The following RNF13 variants were observed in gnomAD, a reference collection of about 807,000 sequenced individuals.
RNF13 encodes the protein ring finger protein 13, also known as E3 ubiquitin-protein ligase RNF13.
Under a neutral mutation model 37.7 loss-of-function variants are expected in RNF13, and 19 were observed. The ratio of observed to expected loss-of-function variants is 0.50; its 90% CI spans 0.35 to 0.74. RNF13 has a LOEUF of 0.74. RNF13 is among the 30% of genes least tolerant of loss of function. The probability of loss-of-function intolerance (pLI) is 0.01; values close to 1 mark genes in which losing one functional copy is unlikely to be tolerated. For synonymous variants in RNF13, 144 were observed against 157.8 expected (o/e 0.91, Z 0.65); for missense variants, 375 against 453.0 (o/e 0.83, Z 1.56).
intron 3 of RNF13, among the ~76,000 whole-genome samples, chr3:149,857,858 A>G (rs984116512): frequency 6.6e-6 from 1 of 152,124 alleles, no homozygotes; most frequent in African/African-American, 2.4e-5. Flanking sequence ...TGGTTTGGAT[A>G]TGGTTTTTTT....
Position 149,852,515 on chromosome 3 carries a change from G to A in RNF13, c.115-1G>A. 6.7e-7 allele frequency: 1 copy of A among 1,484,324 alleles called. No individual in the cohort carries two copies. Among genetic ancestry groups the A allele is most frequent in the East Asian group, 2.4e-5 (1 of 42,206 alleles). 91.9% of individuals were successfully genotyped at this position (1,484,324 alleles called of 1,614,324 possible). On this transcript the variant is annotated splice_acceptor_variant, in intron 2 of 9. Coordinates refer to ENST00000392894, the MANE Select transcript of RNF13 (RefSeq NM_183381.3). LOFTEE classifies it high-confidence loss of function. ...TTGAATATTTAAAATTTTATTTTTA[G>A]TATAACTTTGAAAATGCATCTCAGA...
In RNF13 at chr3:149,866,665, C is replaced by T. The variant is rs775843802; in HGVS notation, c.196-5364C>T. 1.2e-4 allele frequency among the ~76,000 whole-genome samples: 18 copies of T among 152,200 alleles called. 1 individual carries two copies. Among genetic ancestry groups the T allele is most frequent in the Non-Finnish European group, 2.1e-4 (14 of 68,022 alleles). On this transcript the variant is annotated intron_variant, in intron 3 of 9. Coordinates refer to ENST00000392894, the MANE Select transcript of RNF13 (RefSeq NM_183381.3). ...GTTGATCTGGTTCAGACACCTCTGA[C>T]ATGTTTATTACTATAAACTTCCCTC... is the stretch of plus-strand genomic sequence containing the variant.
intron 3 of RNF13, among the ~76,000 whole-genome samples, chr3:149,860,677 T>G (rs1191875594): frequency 2.0e-5 from 3 of 151,968 alleles, no homozygotes; most frequent in Non-Finnish European, 2.9e-5. Flanking sequence ...AGAAAACATA[T>G]GGAAAACACT....
chr3:149,851,267 G>GT (rs1332813331), intron 2 of RNF13: 1 of 152,230 alleles, frequency 6.6e-6, no homozygotes, highest in Admixed American at 6.5e-5. Context: ...CAGGACCTGA[G>GT]TTGACGGTGA....
chr3:149,817,815 C>G (rs1239458079), intron 1 of RNF13, among the ~76,000 whole-genome samples: 1 of 151,948 alleles, frequency 6.6e-6, no homozygotes, highest in African/African-American at 2.4e-5. Context: ...GTTTTTGTTA[C>G]CAGTATTATT....
At chr3:149,943,840 C>G (rs1238843364) in intron 8 of RNF13, among the ~76,000 whole-genome samples, 1 of 151,320 alleles carries the variant, frequency 6.6e-6, no homozygotes, top group East Asian at 1.9e-4. Flanking sequence ...ACTTTAAGTT[C>G]TAGGGTACAT....
At chr3:149,855,580 G>GTA (rs1051698103) in intron 3 of RNF13, among the ~76,000 whole-genome samples, 17 of 150,000 alleles carry the variant, frequency 1.1e-4, no homozygotes, top group Non-Finnish European at 1.8e-4. Context: ...GTATATATGT[G>GTA]TATATATATA....
rs144177391 is a variant in RNF13 at position 149,836,058 on chromosome 3, T to A, written c.-16-9953T>A. ...CACATCCATGCCAACCTCCATTTTT[T>A]AAAATTTTTTTGATAATGGCCATTC... On this transcript the variant is annotated intron_variant, in intron 1 of 9. Transcript: ENST00000392894. Among the ~76,000 whole-genome samples the A allele has an allele frequency of 2.8e-3, 419 of 152,344 alleles. 2 individuals carry two copies. Among genetic ancestry groups the A allele is most frequent in the African/African-American group, 8.6e-3 (357 of 41,590 alleles).
At chr3:149,881,615 G>GCTA (rs1265983847) in intron 4 of RNF13, among the ~76,000 whole-genome samples, 5 of 152,272 alleles carry the variant, frequency 3.3e-5, no homozygotes, top group Admixed American at 2.6e-4. Context: ...ACAGGTGTGA[G>GCTA]CTACTGCACC....
intron 3 of RNF13, among the ~76,000 whole-genome samples, chr3:149,867,174 G>A (rs1275700595): frequency 1.3e-5 from 2 of 151,974 alleles, no homozygotes; most frequent in Admixed American, 6.6e-5. Context: ...CATATGCTTG[G>A]CTGCCCCATA....
At chr3:149,949,945 A>G (rs887602724) in intron 8 of RNF13, among the ~76,000 whole-genome samples, 3 of 151,868 alleles carry the variant, frequency 2.0e-5, no homozygotes, top group Non-Finnish European at 4.4e-5. Flanking sequence ...CATTTTCTGT[A>G]GTTGTTCCAT....
At chr3:149,949,733 T>C (rs1436644458) in intron 8 of RNF13, among the ~76,000 whole-genome samples, 1 of 151,464 alleles carries the variant, frequency 6.6e-6, no homozygotes, top group African/African-American at 2.4e-5. Context: ...TCATTCTTTT[T>C]TTTTTTTTCT....
chr3:149,897,640 C>T (rs748280008), intron 5 of RNF13, among the ~76,000 whole-genome samples: 7 of 152,028 alleles, frequency 4.6e-5, no homozygotes, highest in Non-Finnish European at 1.0e-4. Context: ...TCCATCTTTG[C>T]GCATGTGTTT....
At chr3:149,845,575 A>G (rs1438666288) in intron 1 of RNF13, among the ~76,000 whole-genome samples, 1 of 152,240 alleles carries the variant, frequency 6.6e-6, no homozygotes, top group Non-Finnish European at 1.5e-5. Flanking sequence ...GCAAATGAAA[A>G]GTAAATTTAC....
At chr3:149,859,633 C>A (rs1440225074) in intron 3 of RNF13, among the ~76,000 whole-genome samples, 1 of 152,058 alleles carries the variant, frequency 6.6e-6, no homozygotes, top group African/African-American at 2.4e-5. Context: ...TTCTTAGTGG[C>A]TTTCTCAGTT....
chr3:149,947,860 C>T (rs985482053), intron 8 of RNF13, among the ~76,000 whole-genome samples: 8 of 151,960 alleles, frequency 5.3e-5, no homozygotes, highest in African/African-American at 1.9e-4. Flanking sequence ...AAAGTCTATT[C>T]TGTTTGATAT....
At chr3:149,919,001 GATTA>G (rs922400962) in intron 7 of RNF13, among the ~76,000 whole-genome samples, 8 of 151,910 alleles carry the variant, frequency 5.3e-5, no homozygotes, top group African/African-American at 1.7e-4. Flanking sequence ...CATGTATTTG[GATTA>G]ATTTCTATTG....
rs1322208213 is a variant in RNF13, at chr3:149,818,256, T to C, written c.-17+4903T>C. Among the ~76,000 whole-genome samples, 5 of 152,236 alleles carry C rather than the reference T, an allele frequency of 3.3e-5. No homozygotes were observed. In the East Asian group the frequency reaches 5.8e-4, roughly 18 times the overall value. Reference sequence around the variant, plus strand: ...AAAATCCTTGCCTGCATGGAGCTTATCTGCTAATGGGAGAAATAAGGTGCA... The same window carrying C: ...AAAATCCTTGCCTGCATGGAGCTTACCTGCTAATGGGAGAAATAAGGTGCA... On this transcript the variant is annotated intron_variant, in intron 1 of 9. Coordinates refer to ENST00000392894, the MANE Select transcript of RNF13 (RefSeq NM_183381.3).
rs567523819 is a variant in RNF13, at chr3:149,832,529, T to G, written c.-16-13482T>G. 1.1e-3 allele frequency among the ~76,000 whole-genome samples: 167 copies of G among 152,224 alleles called. 2 individuals carry two copies. The highest frequency in any genetic ancestry group is 0.01 in the Middle Eastern group (3 of 294). On this transcript the variant is annotated intron_variant, in intron 1 of 9. Coordinates refer to ENST00000392894, the MANE Select transcript of RNF13 (RefSeq NM_183381.3). ...TTATCCTCCAAAACCATACAGATAA[T>G]CATGTGTACCAGCCAGTTTGCTCAT...
Sources: gnomAD v4.1 joint callset for allele counts (sites outside exome capture counted in the v4.1 genomes callset) on GRCh38, gnomAD v4.1.1 for gene constraint, MANE v1.5 for transcripts, NCBI Gene and HGNC (gene_info 2026-07-23, HGNC 2026-07-21) for gene names.